RBFOX1: variants seen among roughly 807,000 people sequenced by gnomAD.
RBFOX1 encodes RNA binding protein fox-1 homolog 1.
Under a neutral mutation model 57.7 loss-of-function variants are expected in RBFOX1, and 8 were observed. The ratio of observed to expected loss-of-function variants is 0.14; its 90% confidence interval spans 0.08 to 0.25. The LOEUF is 0.25. Ranked by LOEUF, RBFOX1 falls within the 10% of genes least tolerant of loss-of-function variation. The pLI, the probability that RBFOX1 is intolerant of heterozygous loss-of-function variation, is 1.00. For missense variants in RBFOX1, 611 were observed against 548.5 expected, an observed-to-expected ratio of 1.11 and a Z score of -1.14; for synonymous variants, 326 against 222.4, an observed-to-expected ratio of 1.47 and a Z score of -4.15.
intron 2 of RBFOX1, among the ~76,000 whole-genome samples, chr16:6,417,984 A>AGAAT (rs60404637): frequency 0.62 from 93,705 of 151,208 alleles, 29,610 homozygotes; most frequent in African/African-American, 0.76. Flanking sequence ...ATTTTCTGAA[A>AGAAT]GAATGAATGA....
chr16:5,348,670 C>G (rs1031256489), intron 1 of RBFOX1, among the ~76,000 whole-genome samples: 1 of 152,160 alleles, frequency 6.6e-6, no homozygotes, highest in Non-Finnish European at 1.5e-5. Context: ...ATAGTAGGCT[C>G]TCAATTTATG....
chr16:7,289,951 A>G (rs960267818), intron 4 of RBFOX1, among the ~76,000 whole-genome samples: 4 of 152,194 alleles, frequency 2.6e-5, no homozygotes, highest in African/African-American at 9.6e-5. Flanking sequence ...AGAAGGCAGG[A>G]CAAGGTTAGG....
At chr16:6,595,570 ATACC>A (rs1238392417) in intron 2 of RBFOX1, among the ~76,000 whole-genome samples, 3 of 152,176 alleles carry the variant, frequency 2.0e-5, no homozygotes, top group Admixed American at 1.3e-4. Flanking sequence ...TCTTGGATAT[ATACC>A]TACAAGTGGA....
At chr16:5,432,906 C>G (rs897854104) in intron 1 of RBFOX1, among the ~76,000 whole-genome samples, 1 of 152,172 alleles carries the variant, frequency 6.6e-6, no homozygotes, top group Non-Finnish European at 1.5e-5. Flanking sequence ...CCATCTCAGC[C>G]TCCTGAGTAG....
chr16:6,562,889 T>TCTTTCTTTCTTTCTTTC (rs1567694297), intron 2 of RBFOX1, among the ~76,000 whole-genome samples: 8 of 142,930 alleles, frequency 5.6e-5, no homozygotes, highest in Admixed American at 4.9e-4. Flanking sequence ...TCTTTTTTTT[T>TCTTTCTTTCTTTCTTTC]TTTTTTTTTG....
At chr16:6,413,965 G>A (rs992639303) in intron 2 of RBFOX1, among the ~76,000 whole-genome samples, 1 of 152,138 alleles carries the variant, frequency 6.6e-6, no homozygotes, top group African/African-American at 2.4e-5. Context: ...ATATCTTAAA[G>A]GCTGAGCACA....
chr16:5,967,693 C>T (rs1334471339), intron 4 of RBFOX1, among the ~76,000 whole-genome samples: 1 of 152,154 alleles, frequency 6.6e-6, no homozygotes, highest in African/African-American at 2.4e-5. Context: ...CTTCTTCCCC[C>T]TAAGAATCCT....
At chr16:7,498,319 A>G (rs2069391160) in intron 4 of RBFOX1, among the ~76,000 whole-genome samples, 1 of 152,150 alleles carries the variant, frequency 6.6e-6, no homozygotes, top group Non-Finnish European at 1.5e-5. Context: ...TCTTAGCTCT[A>G]TTAATGAACT....
chr16:7,610,075 T>G (rs1394105097), intron 10 of RBFOX1, among the ~76,000 whole-genome samples: 3 of 147,694 alleles, frequency 2.0e-5, no homozygotes, highest in Non-Finnish European at 3.0e-5. Context: ...CTCGGCCTCC[T>G]GAAGTGCTGG....
At chr16:6,205,210 G>A (rs376520684) in intron 1 of RBFOX1, among the ~76,000 whole-genome samples, 2 of 152,090 alleles carry the variant, frequency 1.3e-5, no homozygotes, top group Admixed American at 6.6e-5. Flanking sequence ...TTCATATATG[G>A]GAGACTTGCT....
chr16:6,993,669 T>C (rs577827095), intron 3 of RBFOX1, among the ~76,000 whole-genome samples: 12 of 152,266 alleles, frequency 7.9e-5, no homozygotes, highest in African/African-American at 2.4e-4. Flanking sequence ...TATTTAGCAT[T>C]TGTGTGCATT....
intron 3 of RBFOX1, among the ~76,000 whole-genome samples, chr16:6,984,674 T>G (rs1217603958): frequency 3.9e-5 from 6 of 152,080 alleles, no homozygotes; most frequent in African/African-American, 1.2e-4. Context: ...AGATGGAGTC[T>G]CTGTTGACCA....
chr16:7,033,951 C>T (rs568737066), intron 3 of RBFOX1, among the ~76,000 whole-genome samples: 1 of 152,246 alleles, frequency 6.6e-6, no homozygotes, highest in African/African-American at 2.4e-5. Context: ...GCTGGGTGAC[C>T]AAGCAAGACC....
At chr16:7,204,309 G>C (rs560124446) in intron 4 of RBFOX1, among the ~76,000 whole-genome samples, 6 of 152,164 alleles carry the variant, frequency 3.9e-5, no homozygotes, top group Non-Finnish European at 2.9e-5. Context: ...TCTGAGGGAG[G>C]ACAGGATTGC....
intron 4 of RBFOX1, among the ~76,000 whole-genome samples, chr16:7,412,342 G>C (rs1424126701): frequency 6.7e-6 from 1 of 149,332 alleles, no homozygotes; most frequent in Non-Finnish European, 1.5e-5. Flanking sequence ...TTGAACCTAG[G>C]AGCTAGAGGT....
chr16:6,798,004 G>GGATGAT (rs368627689), intron 3 of RBFOX1, among the ~76,000 whole-genome samples: 2 of 151,898 alleles, frequency 1.3e-5, no homozygotes, highest in East Asian at 1.9e-4. Context: ...ATGGGAATAG[G>GGATGAT]GATGATGATG....
chr16:5,366,520 A>G (rs2065720162), intron 1 of RBFOX1: 9 of 432,682 alleles, frequency 2.1e-5, no homozygotes, highest in South Asian at 1.5e-4. Flanking sequence ...TAAAACACCG[A>G]AAGGACCTAG....
rs898138422 is a variant in RBFOX1 at position 7,008,398 on chromosome 16, C to T, written c.-15-43659C>T. On this transcript the variant is annotated intron_variant, in intron 3 of 15. Coordinates refer to ENST00000550418, the MANE Select transcript of RBFOX1 (RefSeq NM_018723.4). Reference sequence around the variant, plus strand: ...CTCTACTAAAAATACAAAAATTAGCCAGGCATGGTGGCGCATCTGTAATTC... The same window carrying T: ...CTCTACTAAAAATACAAAAATTAGCTAGGCATGGTGGCGCATCTGTAATTC... 8.6e-5 allele frequency among the ~76,000 whole-genome samples: 13 copies of T among 151,954 alleles called. 1 individual carries two copies. The highest frequency in any genetic ancestry group is 5.2e-4 in the Admixed American group (8 of 15,242).
At chr16:7,235,034 G>A (rs942461881) in intron 4 of RBFOX1, among the ~76,000 whole-genome samples, 2 of 152,130 alleles carry the variant, frequency 1.3e-5, no homozygotes, top group Non-Finnish European at 2.9e-5. Flanking sequence ...GCAAGTCGAA[G>A]TGCTATGGTG....
Sources: gnomAD v4.1 joint callset for allele counts (sites outside exome capture counted in the v4.1 genomes callset) on GRCh38, gnomAD v4.1.1 for gene constraint, MANE v1.5 for transcripts, NCBI Gene and HGNC (gene_info 2026-07-23, HGNC 2026-07-21) for gene names.